CFAP20DC: variants seen among roughly 807,000 people sequenced by gnomAD.
The protein encoded by CFAP20DC is protein CFAP20DC.
A neutral mutation model predicts 101.7 loss-of-function variants in CFAP20DC; 84 were observed. That is an observed-to-expected ratio of 0.83 (90% CI 0.69 to 0.99). The LOEUF is 0.99. Ranked by LOEUF, CFAP20DC falls within the 50% of genes least tolerant of loss-of-function variation. The pLI, the probability that CFAP20DC is intolerant of heterozygous loss-of-function variation, is 0.00. For synonymous variants in CFAP20DC, 359 were observed against 351.2 expected (o/e 1.02, Z -0.25); for missense variants, 1,007 against 970.3 (o/e 1.04, Z -0.50).
intron 6 of CFAP20DC, among the ~76,000 whole-genome samples, chr3:58,893,166 C>T (rs1189521226): frequency 6.6e-6 from 1 of 151,892 alleles, no homozygotes; most frequent in African/African-American, 2.4e-5. Flanking sequence ...GCCTCAGCCT[C>T]CTGAGTAGCT....
At chr3:58,993,985 C>T (rs568831241) in intron 4 of CFAP20DC, among the ~76,000 whole-genome samples, 29 of 152,154 alleles carry the variant, frequency 1.9e-4, no homozygotes, top group Non-Finnish European at 3.5e-4. Flanking sequence ...ATTTCTGCCT[C>T]TAGGTCTTTG....
chr3:58,862,075 G>C (rs556917933), intron 12 of CFAP20DC: 16 of 967,718 alleles, frequency 1.7e-5, no homozygotes, highest in Non-Finnish European at 2.0e-5. Flanking sequence ...AGATGGAAGA[G>C]GTAAGTTCTT....
At chr3:58,793,183 T>G (rs1446290986) in intron 15 of CFAP20DC, among the ~76,000 whole-genome samples, 2 of 152,158 alleles carry the variant, frequency 1.3e-5, no homozygotes, top group African/African-American at 4.8e-5. Context: ...AACCTGCACT[T>G]ATCATTTCCT....
chr3:58,816,902 G>C (rs200704521), intron 14 of CFAP20DC, among the ~76,000 whole-genome samples: 2 of 152,182 alleles, frequency 1.3e-5, no homozygotes, highest in Non-Finnish European at 2.9e-5. Flanking sequence ...CTGACAGCTT[G>C]GAAGAGAGCA....
chr3:58,780,951 T>G (rs1369408854), intron 15 of CFAP20DC, among the ~76,000 whole-genome samples: 1 of 151,936 alleles, frequency 6.6e-6, no homozygotes, highest in Non-Finnish European at 1.5e-5. Flanking sequence ...AACGGAAATT[T>G]AAAGAACATT....
intron 15 of CFAP20DC, among the ~76,000 whole-genome samples, chr3:58,802,762 A>G (rs1702099659): frequency 6.6e-6 from 1 of 152,222 alleles, no homozygotes; most frequent in African/African-American, 2.4e-5. Flanking sequence ...ATATGAATAT[A>G]TGCAGCACTT....
intron 4 of CFAP20DC, among the ~76,000 whole-genome samples, chr3:58,950,860 T>C (rs1349986898): frequency 1.3e-5 from 2 of 152,160 alleles, no homozygotes; most frequent in Non-Finnish European, 2.9e-5. Context: ...GGCAAGGACT[T>C]CATGTCTAAA....
In CFAP20DC at chr3:58,831,845, G is replaced by C. The variant is rs754560216; in HGVS notation, c.2016C>G (p.Ser672=). Reference sequence around the variant, plus strand: ...GTAGGCTTGCTAGCATCTGTAACTCGGATTCACTCATCTGGCTTGGCTGAT... The same window carrying C: ...GTAGGCTTGCTAGCATCTGTAACTCCGATTCACTCATCTGGCTTGGCTGAT... ...RNYQPSQMSE[S]ELQMLASLRW... The change falls in exon 14 of 17, where the codon TCC becomes TCG. Residue 672 remains serine, a synonymous_variant. Coordinates refer to ENST00000482387, the MANE Select transcript of CFAP20DC (RefSeq NM_001394063.1). 12 of 1,613,986 alleles carry C rather than the reference G, an allele frequency of 7.4e-6. No homozygotes were observed. The highest frequency in any genetic ancestry group is 9.3e-6 in the Non-Finnish European group (11 of 1,179,968).
At chr3:58,901,460 T>C (rs2083138017) in intron 6 of CFAP20DC, among the ~76,000 whole-genome samples, 2 of 152,180 alleles carry the variant, frequency 1.3e-5, no homozygotes, top group Non-Finnish European at 2.9e-5. Context: ...CTGTAAATCA[T>C]GGACACAAAA....
chr3:58,934,072 A>G (rs546572658), intron 5 of CFAP20DC, among the ~76,000 whole-genome samples: 124 of 152,348 alleles, frequency 8.1e-4, no homozygotes, highest in Middle Eastern at 3.4e-3. Context: ...AGGTGGAATA[A>G]AAAATGATAA....
chr3:58,967,667 A>G (rs893739458), intron 4 of CFAP20DC, among the ~76,000 whole-genome samples: 1 of 152,170 alleles, frequency 6.6e-6, no homozygotes, highest in African/African-American at 2.4e-5. Context: ...CAACAACGAA[A>G]AGATAATCCA....
chr3:58,835,732 C>T (rs932341481), intron 13 of CFAP20DC, among the ~76,000 whole-genome samples: 5 of 152,216 alleles, frequency 3.3e-5, no homozygotes, highest in Non-Finnish European at 5.9e-5. Context: ...CTTAGTCCTG[C>T]GAAATGTTTT....
In CFAP20DC at chr3:59,025,895, A is replaced by T. The variant is rs577150521; in HGVS notation, c.278+13662T>A. Among the ~76,000 whole-genome samples the T allele has an allele frequency of 5.1e-4, 77 of 152,282 alleles. 1 individual carries two copies. The highest frequency in any genetic ancestry group is 1.8e-3 in the African/African-American group (76 of 41,566). On this transcript the variant is annotated intron_variant, in intron 4 of 16. Coordinates refer to ENST00000482387, the MANE Select transcript of CFAP20DC (RefSeq NM_001394063.1). ...ATCTAGTTTGTTTAAAGAATATTGT[A>T]AAAATAATTTAGAAAAGTAAAATGA...
chr3:58,853,169 A>G (rs967223509), intron 12 of CFAP20DC, among the ~76,000 whole-genome samples: 5 of 152,226 alleles, frequency 3.3e-5, no homozygotes, highest in African/African-American at 1.2e-4. Flanking sequence ...CTGATCCCAC[A>G]GAAATACAAA....
chr3:58,829,763 G>A (rs978276837), intron 14 of CFAP20DC, among the ~76,000 whole-genome samples: 2 of 152,160 alleles, frequency 1.3e-5, no homozygotes, highest in African/African-American at 4.8e-5. Flanking sequence ...TGCCAGAACA[G>A]GACAGCGATG....
At chr3:58,738,961 G>A (rs1433706247), downstream of CFAP20DC, among the ~76,000 whole-genome samples, 2 of 152,152 alleles carry the variant, frequency 1.3e-5, no homozygotes, top group Non-Finnish European at 2.9e-5. The surrounding 1 kb of genome is among the most constrained non-coding windows in gnomAD (Gnocchi z 4.4). Context: ...AATTAATTGT[G>A]CTTCAGGTTG....
chr3:58,794,237 TCCCATGC>T, intron 15 of CFAP20DC: 2 of 397,924 alleles, frequency 5.0e-6, no homozygotes, highest in Admixed American at 5.8e-5. Flanking sequence ...AGTTTTTTTT[TCCCATGC>T]CTACACCAAA....
At chr3:58,857,299 A>AT (rs553629162) in intron 12 of CFAP20DC, among the ~76,000 whole-genome samples, 530 of 152,254 alleles carry the variant, frequency 3.5e-3, no homozygotes, top group Non-Finnish European at 5.3e-3. Context: ...TAAGAAGTGT[A>AT]TTTTTCCACC....
chr3:58,787,165 T>TCTA (rs1468757851), intron 15 of CFAP20DC, among the ~76,000 whole-genome samples: 1 of 152,022 alleles, frequency 6.6e-6, no homozygotes, highest in Non-Finnish European at 1.5e-5. Context: ...TATTAACAGC[T>TCTA]CTAGCACAGA....
Sources: allele counts gnomAD v4.1 joint callset (sites outside exome capture counted in the v4.1 genomes callset), GRCh38; gene constraint gnomAD v4.1.1; non-coding constraint Gnocchi (gnomAD v3.1); transcripts MANE v1.5; gene names NCBI Gene and HGNC (gene_info 2026-07-23, HGNC 2026-07-21).